SYNE3: variants seen among roughly 807,000 people sequenced by gnomAD.
SYNE3 encodes the protein nesprin-3.
SYNE3 carries 100 observed loss-of-function variants against 111.2 expected under a neutral mutation model. That is an observed-to-expected ratio of 0.90 (90% CI 0.77 to 1.06). SYNE3 has a LOEUF of 1.06. Among genes scored for constraint, SYNE3 ranks in the 50% least tolerant of loss-of-function variants. SYNE3 has a pLI of 0.00. For synonymous variants in SYNE3, 547 were observed against 533.9 expected, an observed-to-expected ratio of 1.02 and a Z score of -0.34; for missense variants, 1,160 against 1,240.3, an observed-to-expected ratio of 0.94 and a Z score of 0.97.
intron 9 of SYNE3, among the ~76,000 whole-genome samples, chr14:95,445,644 A>C (rs10134579): frequency 6.6e-6 from 1 of 152,064 alleles, no homozygotes; most frequent in Non-Finnish European, 1.5e-5. Context: ...ACTGGACTGG[A>C]TTCAATTTGA....
chr14:95,467,747 G>A (rs1345687112), intron 3 of SYNE3, 48 bp downstream of exon 3: 1 of 1,607,992 alleles, frequency 6.2e-7, no homozygotes, highest in East Asian at 2.2e-5. Flanking sequence ...GTCACAGTGG[G>A]CAAGGAGGGT....
At chr14:95,420,625 C>A (rs1885062116) in intron 17 of SYNE3, among the ~76,000 whole-genome samples, 1 of 152,166 alleles carries the variant, frequency 6.6e-6, no homozygotes, top group Non-Finnish European at 1.5e-5. Context: ...TTACTTAGAC[C>A]TCACGTCCTC....
At chr14:95,477,674 G>A (rs1178087113) in intron 1 of SYNE3, among the ~76,000 whole-genome samples, 3 of 152,186 alleles carry the variant, frequency 2.0e-5, no homozygotes, top group African/African-American at 4.8e-5. Context: ...GGTGGGCGAC[G>A]TAGCGGGCTG....
intron 1 of SYNE3, among the ~76,000 whole-genome samples, chr14:95,490,308 C>T (rs1244046854): frequency 6.6e-6 from 1 of 152,222 alleles, no homozygotes; most frequent in Non-Finnish European, 1.5e-5. Flanking sequence ...TTATGGCATG[C>T]ACAGCAGTCT....
rs577628529 is a variant in SYNE3, at chr14:95,431,859, T to A, written c.2727+220A>T. ...CTATGTGCCTGTCCCAGCGGAGGACTCTGCACACCCTGCCAGCCTCCCCCC... is the reference window on the plus strand; with the variant it reads ...CTATGTGCCTGTCCCAGCGGAGGACACTGCACACCCTGCCAGCCTCCCCCC... On this transcript the variant is annotated intron_variant, in intron 17 of 17. Transcript: ENST00000682763. 3.3e-5 allele frequency among the ~76,000 whole-genome samples: 5 copies of A among 152,336 alleles called. No individual in the cohort carries two copies. In the South Asian group the frequency reaches 1.0e-3, roughly 32 times the overall value.
chr14:95,467,982 C>T lies in SYNE3; in HGVS notation c.145-15G>A. 6.3e-7 allele frequency: 1 copy of T among 1,598,934 alleles called. No individual in the cohort carries two copies. Among genetic ancestry groups the T allele is most frequent in the Non-Finnish European group, 8.5e-7 (1 of 1,170,092 alleles). On this transcript the variant is annotated splice_polypyrimidine_tract_variant and intron_variant, in intron 2 of 17. Transcript: ENST00000682763. ...TGGCATATTTTCTGTTGTGGACACA[C>T]AAGCCAGTTTCCAGGGTTGGCAAAA...
Position 95,455,618 on chromosome 14 carries a change from G to A in SYNE3, c.896C>T (p.Thr299Ile), listed in dbSNP as rs780110039. 2.5e-6 allele frequency: 4 copies of A among 1,614,202 alleles called. No individual in the cohort carries two copies. The highest frequency in any genetic ancestry group is 1.1e-5 in the South Asian group (1 of 91,088). ...NTSPLGAEKI[T>I]GELEEMRKVL... ...TTTCCTCATCTCTTCCAGTTCTCCG[G>A]TGATCTTCTCTGCACCCAAAGGAGA... Residue 299 changes from threonine to isoleucine, a missense_variant, in exon 6 of 18, where the codon ACC becomes ATC. Physicochemically the swap from Thr to Ile is moderately conservative, Grantham distance 89 (BLOSUM62 -1). Coordinates refer to ENST00000682763, the MANE Select transcript of SYNE3 (RefSeq NM_152592.6).
intron 14 of SYNE3, 41 bp from the exon 15 acceptor site, chr14:95,437,022 GCCCC>G: frequency 6.2e-7 from 1 of 1,612,210 alleles, no homozygotes; most frequent in Non-Finnish European, 8.5e-7. Context: ...AGGTGAAAGA[GCCCC>G]CCTGGCCATG....
Position 95,467,783 on chromosome 14 carries a change from T to A in SYNE3, c.317+12A>T, listed in dbSNP as rs980235725. 1.2e-6 allele frequency: 2 copies of A among 1,613,900 alleles called. No individual in the cohort carries two copies. The highest frequency in any genetic ancestry group is 2.7e-5 in the African/African-American group (2 of 74,948). On this transcript the variant is annotated intron_variant, in intron 3 of 17. Coordinates refer to ENST00000682763, the MANE Select transcript of SYNE3 (RefSeq NM_152592.6). ...AAATGGCAGCTGTGGACAAAGGCCC[T>A]GGATGCCCTACCTGTGACAGTGAGT...
At chr14:95,419,854 G>GATGATA (rs1884982678) in intron 17 of SYNE3, among the ~76,000 whole-genome samples, 1 of 150,924 alleles carries the variant, frequency 6.6e-6, no homozygotes, top group Admixed American at 6.6e-5. Flanking sequence ...TGGTGATGAT[G>GATGATA]GTGATGGAGG....
At position 95,409,500 on chromosome 14, in the gene SYNE3, C is replaced by T. The variant is rs1410487039; in HGVS notation, c.*8326G>A. ...GGATCCTCGGGGGAAACCGAGGTCC[C>T]TCCTTATGATTGCTGTCTCTCGGCT... is the stretch of plus-strand genomic sequence containing the variant. On this transcript the variant is annotated 3_prime_UTR_variant, in exon 18 of 18. Coordinates refer to ENST00000682763, the MANE Select transcript of SYNE3 (RefSeq NM_152592.6). 2.4e-6 allele frequency: 1 copy of T among 409,624 alleles called. No homozygotes were observed. Among genetic ancestry groups the T allele is most frequent in the Non-Finnish European group, 4.8e-6 (1 of 207,002 alleles). The allele number at this position is 409,624 out of a possible 1,614,324, so 25.4% of individuals were successfully genotyped here.
At chr14:95,489,793 C>G (rs1463160340) in intron 1 of SYNE3, among the ~76,000 whole-genome samples, 1 of 152,132 alleles carries the variant, frequency 6.6e-6, no homozygotes, top group Non-Finnish European at 1.5e-5. Context: ...GGATGGACAT[C>G]TCTCTGCCCT....
intron 13 of SYNE3, 59 bp downstream of exon 13, chr14:95,439,543 ACCTGAGTGTC>A (rs1212168622): frequency 6.3e-7 from 1 of 1,583,936 alleles, no homozygotes; most frequent in African/African-American, 1.3e-5. Flanking sequence ...CTCCACGAGC[ACCTGAGTGTC>A]CCTGAGTGAG....
intron 17 of SYNE3, 71 bp downstream of exon 17, chr14:95,432,008 G>A: frequency 1.9e-6 from 3 of 1,552,906 alleles, no homozygotes; most frequent in Non-Finnish European, 2.6e-6. Context: ...TCTTGCCCCA[G>A]TGTCACGGGC....
rs1888479812 is a variant in SYNE3, at chr14:95,470,769, C to T, written c.145-2802G>A. Among the ~76,000 whole-genome samples, 1 of 152,124 alleles carries T rather than the reference C, an allele frequency of 6.6e-6. No homozygotes were observed. The highest frequency in any genetic ancestry group is 1.9e-4 in the East Asian group (1 of 5,186). On this transcript the variant is annotated intron_variant, in intron 2 of 17. Coordinates refer to ENST00000682763, the MANE Select transcript of SYNE3 (RefSeq NM_152592.6). This position sits in a 1 kb window ranked among gnomAD's most constrained non-coding sequence, Gnocchi z 4.2. ...GGTCAGGAGTTTGAGGCCATCCTGG[C>T]CAACATGGTGAAACACCGTCTCTAC... is the stretch of plus-strand genomic sequence containing the variant.
rs1469975632 is a variant in SYNE3, at chr14:95,470,972, G to C, written c.145-3005C>G. On this transcript the variant is annotated intron_variant, in intron 2 of 17. Coordinates refer to ENST00000682763, the MANE Select transcript of SYNE3 (RefSeq NM_152592.6). The surrounding 1 kb of genome is among the most constrained non-coding windows in gnomAD (Gnocchi z 4.2). ...TCCAGCCTGGGCAACAGAGCAACAC[G>C]CCGTCTCAGGAAAAAAAAAAAAAGA... Among the ~76,000 whole-genome samples the C allele has an allele frequency of 6.9e-6, 1 of 145,562 alleles. No homozygotes were observed. Among genetic ancestry groups the C allele is most frequent in the Non-Finnish European group, 1.5e-5 (1 of 66,112 alleles).
At chr14:95,486,429 G>A (rs562676609) in intron 1 of SYNE3, among the ~76,000 whole-genome samples, 3 of 132,166 alleles carry the variant, frequency 2.3e-5, no homozygotes, top group South Asian at 5.4e-4. Context: ...TACCCTCCCC[G>A]CCAGCGCCTC....
At position 95,430,785 on chromosome 14, in the gene SYNE3, T is replaced by C. The variant is rs1885715084; in HGVS notation, c.2727+1294A>G. Among the ~76,000 whole-genome samples the C allele has an allele frequency of 1.3e-5, 2 of 151,572 alleles. 1 individual carries two copies. Among genetic ancestry groups the C allele is most frequent in the South Asian group, 4.2e-4 (2 of 4,808 alleles). On this transcript the variant is annotated intron_variant, in intron 17 of 17. Coordinates refer to ENST00000682763, the MANE Select transcript of SYNE3 (RefSeq NM_152592.6). ...GTTGCAGTGAGCTGAGATTGTGCCA[T>C]TGCACTCCAGCCTGTGTGACAGGAG...
chr14:95,507,652 G>C (rs1317629915), intron 1 of SYNE3, among the ~76,000 whole-genome samples: 2 of 152,242 alleles, frequency 1.3e-5, no homozygotes, highest in African/African-American at 4.8e-5. Context: ...AATTATGCCT[G>C]AGCAAACTTG....
Sources: gnomAD v4.1 joint callset for allele counts (sites outside exome capture counted in the v4.1 genomes callset) on GRCh38, gnomAD v4.1.1 for gene constraint, Gnocchi (gnomAD v3.1) non-coding constraint, MANE v1.5 for transcripts, NCBI Gene and HGNC (gene_info 2026-07-23, HGNC 2026-07-21) for gene names.